The following TRPM3 variants were observed in gnomAD, a reference collection of about 807,000 sequenced individuals.
TRPM3 encodes the protein long transient receptor potential channel 3.
Under a neutral mutation model 181.2 loss-of-function variants are expected in TRPM3, and 77 were observed. That is an observed-to-expected ratio of 0.42 (90% confidence interval 0.35 to 0.51). The LOEUF is 0.51. Among genes scored for constraint, TRPM3 ranks in the 20% least tolerant of loss-of-function variants. The pLI is 0.01. For missense variants in TRPM3, 1,759 were observed against 2,196.7 expected (o/e 0.80, Z 3.98); for synonymous variants, 745 against 796.4 (o/e 0.94, Z 1.09).
At chr9:70,681,683 T>C (rs1189890346) in intron 8 of TRPM3, 105 bp from the exon 9 acceptor site, 3 of 975,348 alleles carry the variant, frequency 3.1e-6, no homozygotes, top group South Asian at 1.3e-5. Flanking sequence ...ATCTACAAAG[T>C]AGATTCTTAA....
chr9:70,648,656 G>A (rs996234720), intron 9 of TRPM3, among the ~76,000 whole-genome samples: 1 of 150,810 alleles, frequency 6.6e-6, no homozygotes, highest in Non-Finnish European at 1.5e-5. Flanking sequence ...ACGTAAACCA[G>A]TGGAACAGGT....
chr9:71,333,318 A>T (rs2090341788), intron 1 of TRPM3, among the ~76,000 whole-genome samples: 1 of 151,972 alleles, frequency 6.6e-6, no homozygotes, highest in Admixed American at 6.6e-5. Context: ...CTTCTCAAAT[A>T]GCTCCCAATA....
intron 1 of TRPM3, among the ~76,000 whole-genome samples, chr9:71,009,162 A>G (rs1160544021): frequency 6.6e-6 from 1 of 152,178 alleles, no homozygotes; most frequent in Non-Finnish European, 1.5e-5. Context: ...GGAACAAGAC[A>G]AGGGTATCCA....
chr9:70,740,016 A>G (rs1279757709), intron 8 of TRPM3, among the ~76,000 whole-genome samples: 1 of 152,158 alleles, frequency 6.6e-6, no homozygotes, highest in East Asian at 1.9e-4. Flanking sequence ...AAATCGGTAA[A>G]CAGGAAGTCA....
At chr9:70,907,316 C>T (rs1463853220) in intron 1 of TRPM3, among the ~76,000 whole-genome samples, 1 of 152,196 alleles carries the variant, frequency 6.6e-6, no homozygotes, top group Non-Finnish European at 1.5e-5. Flanking sequence ...GTTTCAGTTG[C>T]ATGCTGTGAA....
chr9:71,099,261 C>G (rs1462722399), intron 1 of TRPM3, among the ~76,000 whole-genome samples: 4 of 152,112 alleles, frequency 2.6e-5, no homozygotes, highest in Admixed American at 6.6e-5. Context: ...TCTGGAGCCT[C>G]TTTTGTAAGG....
intron 1 of TRPM3, among the ~76,000 whole-genome samples, chr9:70,982,685 T>A (rs989746771): frequency 2.6e-5 from 4 of 152,196 alleles, no homozygotes; most frequent in African/African-American, 9.6e-5. Context: ...GACAAACTTG[T>A]TGAAAGTTCT....
intron 6 of TRPM3, among the ~76,000 whole-genome samples, chr9:70,791,784 T>C (rs1240485159): frequency 6.6e-6 from 1 of 152,202 alleles, no homozygotes; most frequent in East Asian, 1.9e-4. Context: ...GGACTGAGAA[T>C]GCAGAATATA....
chr9:71,211,004 A>C (rs1228789646), intron 1 of TRPM3, among the ~76,000 whole-genome samples: 1 of 151,946 alleles, frequency 6.6e-6, no homozygotes, highest in South Asian at 2.1e-4. Flanking sequence ...AACTTTTATC[A>C]CCTCTTGCAG....
chr9:70,954,883 C>T (rs1055812208), intron 1 of TRPM3, among the ~76,000 whole-genome samples: 1 of 151,378 alleles, frequency 6.6e-6, no homozygotes, highest in Non-Finnish European at 1.5e-5. Flanking sequence ...TCCAGGAGAT[C>T]TGGAAAGCAG....
intron 1 of TRPM3, among the ~76,000 whole-genome samples, chr9:71,181,534 C>T (rs1360201): frequency 0.45 from 68,386 of 151,718 alleles, 15,840 homozygotes; most frequent in South Asian, 0.54. Context: ...GGATGCATGA[C>T]GCCTACTAAA....
At chr9:71,200,617 C>T (rs2078717758) in intron 1 of TRPM3, among the ~76,000 whole-genome samples, 1 of 152,210 alleles carries the variant, frequency 6.6e-6, no homozygotes, top group Non-Finnish European at 1.5e-5. Context: ...GATCCCTTTA[C>T]CGTTATGTAA....
At chr9:70,755,821 A>G (rs574156964) in intron 8 of TRPM3, among the ~76,000 whole-genome samples, 13 of 152,316 alleles carry the variant, frequency 8.5e-5, no homozygotes, top group Admixed American at 2.6e-4. Flanking sequence ...CTCCTGAAGG[A>G]GGCGCTAAAT....
chr9:70,924,121 G>C (rs1265448009), intron 1 of TRPM3, among the ~76,000 whole-genome samples: 4 of 151,932 alleles, frequency 2.6e-5, no homozygotes. Context: ...TGTTCCTTGT[G>C]GGTGAAATGG....
intron 1 of TRPM3, among the ~76,000 whole-genome samples, chr9:71,214,833 C>T (rs1221905360): frequency 6.6e-6 from 1 of 152,110 alleles, no homozygotes; most frequent in South Asian, 2.1e-4. Flanking sequence ...CCTTCCCCAT[C>T]CTGTTGACCT....
intron 1 of TRPM3, among the ~76,000 whole-genome samples, chr9:71,283,190 T>C (rs558312832): frequency 6.6e-6 from 1 of 152,378 alleles, no homozygotes; most frequent in East Asian, 1.9e-4. Context: ...TGATACTTCA[T>C]GTAAGTGGAA....
rs536499763 is a variant in TRPM3 at position 71,414,553 on chromosome 9, C to CA, written c.183+32099dup. On this transcript the variant is annotated intron_variant, in intron 1 of 24. Coordinates refer to the TRPM3 transcript ENST00000357533. Reference sequence around the variant, plus strand: ...CTGTATACAGTAATCACATGTGGGTCAAAAAAATGTAACATGTAATAGACA... The same window carrying CA: ...CTGTATACAGTAATCACATGTGGGTCAAAAAAAATGTAACATGTAATAGACA... Among the ~76,000 whole-genome samples the CA allele has an allele frequency of 9.5e-4, 145 of 151,862 alleles. 1 individual carries two copies. The highest frequency in any genetic ancestry group is 6.0e-3 in the South Asian group (29 of 4,810).
chr9:71,040,227 A>G (rs1186584054), intron 1 of TRPM3, among the ~76,000 whole-genome samples: 1 of 152,238 alleles, frequency 6.6e-6, no homozygotes, highest in Non-Finnish European at 1.5e-5. Context: ...AGCTCCTAGC[A>G]GCTAGAGCTG....
intron 1 of TRPM3, among the ~76,000 whole-genome samples, chr9:70,941,450 G>A (rs1397661252): frequency 6.6e-6 from 1 of 152,168 alleles, no homozygotes; most frequent in Non-Finnish European, 1.5e-5. Context: ...TTTGAGGTTT[G>A]GGGACTCAGA....
Sources: allele counts gnomAD v4.1 joint callset (sites outside exome capture counted in the v4.1 genomes callset), GRCh38; gene constraint gnomAD v4.1.1; transcripts MANE v1.5; gene names NCBI Gene and HGNC (gene_info 2026-07-23, HGNC 2026-07-21).